Variants in NOS1AP observed in about 807,000 individuals in gnomAD.
NOS1AP encodes the protein carboxyl-terminal PDZ ligand of neuronal nitric oxide synthase protein.
Under a neutral mutation model 56.2 loss-of-function variants are expected in NOS1AP, and 21 were observed. The ratio of observed to expected loss-of-function variants is 0.37; its 90% CI spans 0.26 to 0.54. The LOEUF (loss-of-function observed/expected upper bound fraction) is 0.54, where lower values mean the gene tolerates loss of function less well. NOS1AP is among the 20% of genes least tolerant of loss of function. NOS1AP has a pLI of 0.84. For missense variants in NOS1AP, 522 were observed against 657.8 expected (o/e 0.79, Z 2.26); for synonymous variants, 270 against 274.6 (o/e 0.98, Z 0.17).
intron 1 of NOS1AP, among the ~76,000 whole-genome samples, chr1:162,141,592 C>T (rs920094253): frequency 3.9e-5 from 6 of 152,202 alleles, no homozygotes; most frequent in African/African-American, 1.4e-4. Flanking sequence ...CCCCTCACCT[C>T]CGTCTCCTTT....
chr1:162,163,768 A>G (rs1331437218), intron 2 of NOS1AP, among the ~76,000 whole-genome samples: 2 of 152,158 alleles, frequency 1.3e-5, no homozygotes, highest in Non-Finnish European at 2.9e-5. Context: ...GGAGTGGTAG[A>G]TTATTTCTAG....
At chr1:162,335,572 G>C (rs146868769) in intron 5 of NOS1AP, among the ~76,000 whole-genome samples, 1 of 152,270 alleles carries the variant, frequency 6.6e-6, no homozygotes, top group African/African-American at 2.4e-5. Flanking sequence ...AGTGGTGGGC[G>C]GGGGGAAAGG....
chr1:162,233,078 C>T (rs1490625867), intron 2 of NOS1AP, among the ~76,000 whole-genome samples: 2 of 152,314 alleles, frequency 1.3e-5, no homozygotes, highest in Admixed American at 6.5e-5. Context: ...TACTGGAGGG[C>T]TTATTAAAAC....
chr1:162,121,284 C>A (rs1212172736), intron 1 of NOS1AP, among the ~76,000 whole-genome samples: 1 of 151,670 alleles, frequency 6.6e-6, no homozygotes, highest in Non-Finnish European at 1.5e-5. Flanking sequence ...CATGCCACCA[C>A]ACCCGGCTAA....
intron 2 of NOS1AP, among the ~76,000 whole-genome samples, chr1:162,214,257 A>ATTCG (rs368541792): frequency 7.3e-6 from 1 of 137,782 alleles, no homozygotes; most frequent in East Asian, 2.0e-4. Context: ...TTGCTTGTTC[A>ATTCG]TTCGTTCGTT....
At chr1:162,315,152 G>A (rs115414019) in intron 4 of NOS1AP, among the ~76,000 whole-genome samples, 93 of 152,312 alleles carry the variant, frequency 6.1e-4, no homozygotes, top group African/African-American at 2.0e-3. Context: ...CTAGGGCCTG[G>A]GTTTTACACT....
At chr1:162,365,272 G>A (rs920026693) in intron 8 of NOS1AP, 132 bp from the exon 9 acceptor site, 56 of 1,530,808 alleles carry the variant, frequency 3.7e-5, no homozygotes, top group African/African-American at 6.8e-5. Flanking sequence ...CATGCTGCCC[G>A]TGAAGGGCTT....
intron 2 of NOS1AP, among the ~76,000 whole-genome samples, chr1:162,251,792 A>G (rs1653861008): frequency 6.7e-6 from 1 of 148,724 alleles, no homozygotes; most frequent in African/African-American, 2.5e-5. Context: ...GGCTCAAGTG[A>G]TCTTCCCAAT....
At chr1:162,355,114 AAAGT>A (rs1416736696) in intron 6 of NOS1AP, 69 bp from the exon 7 acceptor site, 1 of 1,561,002 alleles carries the variant, frequency 6.4e-7, no homozygotes, top group African/African-American at 1.4e-5. Flanking sequence ...CCTGAAAGCT[AAAGT>A]ATTAGGAAAG....
At chr1:162,227,397 G>A (rs921994768) in intron 2 of NOS1AP, among the ~76,000 whole-genome samples, 8 of 152,216 alleles carry the variant, frequency 5.3e-5, no homozygotes, top group African/African-American at 1.9e-4. Context: ...AAAAAACAAG[G>A]GGGAAATCTT....
intron 2 of NOS1AP, chr1:162,157,220 C>T (rs1374442217): frequency 6.5e-6 from 1 of 153,858 alleles, no homozygotes; most frequent in Admixed American, 6.5e-5. Flanking sequence ...TGGCTCCCTT[C>T]CTATGTGCTG....
intron 1 of NOS1AP, among the ~76,000 whole-genome samples, chr1:162,089,728 G>C (rs562915318): frequency 6.6e-6 from 1 of 152,322 alleles, no homozygotes; most frequent in South Asian, 2.1e-4. Flanking sequence ...CACAGAGGCA[G>C]ATATTGGAGT....
At chr1:162,100,094 C>T (rs1452583571) in intron 1 of NOS1AP, among the ~76,000 whole-genome samples, 3 of 152,110 alleles carry the variant, frequency 2.0e-5, no homozygotes, top group African/African-American at 4.8e-5. Context: ...AATAAGCATA[C>T]GTGTGCATGT....
chr1:162,289,813 T>A (rs761614501), intron 3 of NOS1AP, among the ~76,000 whole-genome samples: 61 of 152,152 alleles, frequency 4.0e-4, no homozygotes, highest in Non-Finnish European at 7.5e-4. Context: ...ACACCTACTG[T>A]CCTAGGGGCT....
intron 2 of NOS1AP, among the ~76,000 whole-genome samples, chr1:162,248,322 A>G (rs1260897052): frequency 6.6e-6 from 1 of 152,134 alleles, no homozygotes; most frequent in Admixed American, 6.5e-5. Context: ...AGGTCTTGCA[A>G]ATAATAATTG....
chr1:162,366,314 G>A (rs1226125076), intron 9 of NOS1AP, among the ~76,000 whole-genome samples: 1 of 152,140 alleles, frequency 6.6e-6, no homozygotes, highest in Non-Finnish European at 1.5e-5. Flanking sequence ...TTTTGCCTGT[G>A]AGCTCATTTA....
chr1:162,224,300 T>A (rs1371689632), intron 2 of NOS1AP, among the ~76,000 whole-genome samples: 1 of 152,232 alleles, frequency 6.6e-6, no homozygotes, highest in Non-Finnish European at 1.5e-5. Context: ...AGGCACTTAT[T>A]TTTTCCAGGA....
intron 1 of NOS1AP, among the ~76,000 whole-genome samples, chr1:162,086,275 G>T (rs902103300): frequency 2.0e-5 from 3 of 152,078 alleles, no homozygotes; most frequent in Non-Finnish European, 4.4e-5. Context: ...GCAATAATAG[G>T]CCTGGAGAGA....
At chr1:162,263,553 C>A (rs1398792538) in intron 2 of NOS1AP, among the ~76,000 whole-genome samples, 2 of 152,148 alleles carry the variant, frequency 1.3e-5, no homozygotes, top group Non-Finnish European at 2.9e-5. Flanking sequence ...TGTATAATGG[C>A]ATTTTCCTAT....
Sources: gnomAD v4.1 joint callset for allele counts (sites outside exome capture counted in the v4.1 genomes callset) on GRCh38, gnomAD v4.1.1 for gene constraint, MANE v1.5 for transcripts, NCBI Gene and HGNC (gene_info 2026-07-23, HGNC 2026-07-21) for gene names.